Variants in DLGAP2 observed in about 807,000 individuals in gnomAD.
The protein encoded by DLGAP2 is disks large-associated protein 2.
A neutral mutation model predicts 100.3 loss-of-function variants in DLGAP2; 26 were observed. The ratio of observed to expected loss-of-function variants is 0.26; its 90% CI spans 0.19 to 0.36. The LOEUF (loss-of-function observed/expected upper bound fraction) is 0.36. Among genes scored for constraint, DLGAP2 ranks in the 10% least tolerant of loss-of-function variants. The pLI, the probability that DLGAP2 is intolerant of heterozygous loss-of-function variation, is 1.00. For synonymous variants in DLGAP2, 886 were observed against 630.1 expected (o/e 1.41, Z -6.08); for missense variants, 1,858 against 1,453.2 (o/e 1.28, Z -4.53).
rs139416277 is a variant in DLGAP2, at chr8:1,367,300, A to G, written c.106+108417A>G. Reference sequence around the variant, plus strand: ...GCAAACTCAAAAGCTTTCTCTAGGAATTGATGCCTGAAGATGATTCTTTTG... The same window carrying G: ...GCAAACTCAAAAGCTTTCTCTAGGAGTTGATGCCTGAAGATGATTCTTTTG... On this transcript the variant is annotated intron_variant, in intron 3 of 14. Transcript: ENST00000637795. 5.2e-4 allele frequency among the ~76,000 whole-genome samples: 79 copies of G among 152,362 alleles called. 1 individual carries two copies. Among genetic ancestry groups the G allele is most frequent in the East Asian group, 4.8e-3 (25 of 5,194 alleles).
intron 4 of DLGAP2, among the ~76,000 whole-genome samples, chr8:1,516,231 G>A (rs977010019): frequency 1.3e-5 from 2 of 152,078 alleles, no homozygotes; most frequent in African/African-American, 2.4e-5. Context: ...GAGTGAATGA[G>A]TGAGTTACTG....
chr8:1,662,798 G>A (rs147990253), intron 8 of DLGAP2, among the ~76,000 whole-genome samples: 366 of 152,196 alleles, frequency 2.4e-3, no homozygotes, highest in Non-Finnish European at 4.0e-3. Flanking sequence ...ACACGTGTGA[G>A]TGTGGGCTGT....
intron 1 of DLGAP2, among the ~76,000 whole-genome samples, chr8:880,480 G>T (rs570512873): frequency 2.0e-5 from 3 of 152,032 alleles, no homozygotes; most frequent in Non-Finnish European, 4.4e-5. Context: ...CATGGCATCC[G>T]TGCTGGGGAG....
At chr8:1,477,869 G>A (rs186961556) in intron 3 of DLGAP2, among the ~76,000 whole-genome samples, 192 of 151,968 alleles carry the variant, frequency 1.3e-3, no homozygotes, top group Non-Finnish European at 2.0e-3. Flanking sequence ...TCCAGATGCC[G>A]GTGTCGGGAT....
chr8:1,229,270 AT>A (rs201952917), intron 2 of DLGAP2, among the ~76,000 whole-genome samples: 215 of 144,640 alleles, frequency 1.5e-3, no homozygotes, highest in Middle Eastern at 7.3e-3. Flanking sequence ...TTCTACCTTG[AT>A]TTTTTTTTTT....
Position 1,549,072 on chromosome 8 carries a change from T to G in DLGAP2, c.619T>G (p.Phe207Val), listed in dbSNP as rs2130516630. The change falls in exon 5 of 15, where the codon TTC (phenylalanine) becomes GTC (valine). Residue 207 changes from phenylalanine to valine, a missense_variant. Physicochemically the swap from Phe to Val is conservative, Grantham distance 50. Coordinates refer to ENST00000637795, the MANE Select transcript of DLGAP2 (RefSeq NM_001346810.2). ...EKQLPLHRDG[F>V]HTLQYQRTSA... ...GCAGCTGCCGCTGCACCGGGACGGC[T>G]TCCACACGCTGCAGTACCAGAGGAC... 1 of 1,588,138 alleles carries G rather than the reference T, an allele frequency of 6.3e-7. No homozygotes were observed. The highest frequency in any genetic ancestry group is 1.8e-5 in the Admixed American group (1 of 56,682).
At chr8:1,317,421 A>T (rs1303162110) in intron 3 of DLGAP2, among the ~76,000 whole-genome samples, 2 of 141,766 alleles carry the variant, frequency 1.4e-5, no homozygotes, top group African/African-American at 5.5e-5. Context: ...ACAGTGGTCT[A>T]CACTCGAGAA....
At chr8:1,084,957 G>A (rs1803926992) in intron 2 of DLGAP2, among the ~76,000 whole-genome samples, 1 of 152,224 alleles carries the variant, frequency 6.6e-6, no homozygotes, top group Admixed American at 6.5e-5. Context: ...GTTCTCCAGA[G>A]TGACTGTGCT....
chr8:817,492 C>T (rs1183589788), intron 1 of DLGAP2, among the ~76,000 whole-genome samples: 1 of 152,170 alleles, frequency 6.6e-6, no homozygotes, highest in Admixed American at 6.5e-5. Context: ...TGGTTTGGAT[C>T]CATTGCTGGT....
At chr8:1,025,398 A>C (rs1248713699) in intron 2 of DLGAP2, among the ~76,000 whole-genome samples, 6 of 152,202 alleles carry the variant, frequency 3.9e-5, no homozygotes, top group Non-Finnish European at 7.3e-5. Flanking sequence ...CATTGGGATG[A>C]CAAAGATTAA....
intron 1 of DLGAP2, among the ~76,000 whole-genome samples, chr8:795,691 T>A (rs1796013438): frequency 2.8e-5 from 4 of 142,350 alleles, no homozygotes; most frequent in African/African-American, 8.0e-5. Context: ...AGGCGTCCAG[T>A]GAGAGCAGGC....
At chr8:876,533 A>C (rs1213758725) in intron 1 of DLGAP2, among the ~76,000 whole-genome samples, 1 of 152,142 alleles carries the variant, frequency 6.6e-6, no homozygotes, top group Non-Finnish European at 1.5e-5. Flanking sequence ...GTAAGTAACA[A>C]GTCATTTTTC....
chr8:852,115 T>G (rs530741598), intron 1 of DLGAP2, among the ~76,000 whole-genome samples: 15 of 152,124 alleles, frequency 9.9e-5, no homozygotes, highest in Admixed American at 3.3e-4. Context: ...CTCTTATGTG[T>G]GTGCAGAGAT....
chr8:1,495,998 CG>C (rs1342430177), intron 3 of DLGAP2, among the ~76,000 whole-genome samples: 6 of 152,120 alleles, frequency 3.9e-5, no homozygotes, highest in Admixed American at 1.3e-4. Context: ...CAGGCAGTGA[CG>C]TGGGGCCCCC....
intron 1 of DLGAP2, among the ~76,000 whole-genome samples, chr8:854,492 G>A (rs1024523176): frequency 2.0e-5 from 3 of 152,140 alleles, no homozygotes; most frequent in African/African-American, 4.8e-5. Context: ...GTAGCAGAAG[G>A]GGGGAGGTGG....
At chr8:1,536,703 T>G (rs776381348) in intron 4 of DLGAP2, among the ~76,000 whole-genome samples, 7 of 152,204 alleles carry the variant, frequency 4.6e-5, no homozygotes, top group Non-Finnish European at 1.0e-4. Flanking sequence ...GAACCCGCGT[T>G]TGGTCTCATA....
At chr8:1,196,992 C>T (rs189017054) in intron 2 of DLGAP2, among the ~76,000 whole-genome samples, 61 of 152,190 alleles carry the variant, frequency 4.0e-4, no homozygotes, top group African/African-American at 1.4e-3. Flanking sequence ...ATTAAGTCTG[C>T]GTTTGAAGGC....
rs183751876 is a variant in DLGAP2 at position 947,983 on chromosome 8, C to G, written c.73+40017C>G. Among the ~76,000 whole-genome samples, 70 of 104,806 alleles carry G rather than the reference C, an allele frequency of 6.7e-4. 1 individual carries two copies. The highest frequency in any genetic ancestry group is 2.1e-3 in the African/African-American group (66 of 31,542). The allele number at this position is 104,806 out of a possible 152,430, so 68.8% of individuals were successfully genotyped here. ...CCGCGTGCGCCATGGCTTCCCTGAT[C>G]CCATGCCAGCCCGCGTGTGCGCCAT... On this transcript the variant is annotated intron_variant, in intron 2 of 14. Coordinates refer to ENST00000637795, the MANE Select transcript of DLGAP2 (RefSeq NM_001346810.2).
At chr8:1,566,272 TTTG>T (rs1380993136) in intron 6 of DLGAP2, among the ~76,000 whole-genome samples, 31 of 152,338 alleles carry the variant, frequency 2.0e-4, no homozygotes, top group Non-Finnish European at 3.4e-4. Flanking sequence ...TTAACGGAAT[TTTG>T]TTGTTGACTA....
Sources: allele counts gnomAD v4.1 joint callset (sites outside exome capture counted in the v4.1 genomes callset), GRCh38; gene constraint gnomAD v4.1.1; transcripts MANE v1.5; gene names NCBI Gene and HGNC (gene_info 2026-07-23, HGNC 2026-07-21).